NXPE1: variants seen among roughly 807,000 people sequenced by gnomAD.
The protein encoded by NXPE1 is neurexophilin and PC-esterase domain family member 1.
A neutral mutation model predicts 33.3 loss-of-function variants in NXPE1; 31 were observed. That is an observed-to-expected ratio of 0.93 (90% CI 0.70 to 1.26). The LOEUF (loss-of-function observed/expected upper bound fraction) is 1.26. NXPE1 is among the 50% of genes most tolerant of loss of function. NXPE1 has a pLI of 0.00. For missense variants in NXPE1, 661 were observed against 655.6 expected (o/e 1.01, Z -0.09); for synonymous variants, 229 against 231.4 (o/e 0.99, Z 0.09).
intron 5 of NXPE1, among the ~76,000 whole-genome samples, chr11:114,539,077 A>C (rs1947973534): frequency 6.6e-6 from 1 of 152,252 alleles, no homozygotes; most frequent in Admixed American, 6.5e-5. Context: ...AATGTGGCAC[A>C]TATACACATG....
chr11:114,529,908 C>T (rs961419831), intron 6 of NXPE1: 2 of 409,914 alleles, frequency 4.9e-6, no homozygotes, highest in African/African-American at 4.0e-5. Context: ...TGTTATCATA[C>T]ACTTATCAAG....
intron 5 of NXPE1, among the ~76,000 whole-genome samples, chr11:114,548,151 T>C (rs1948344296): frequency 6.6e-6 from 1 of 152,070 alleles, no homozygotes; most frequent in South Asian, 2.1e-4. Flanking sequence ...CAATGAATAT[T>C]TATGCACCGA....
chr11:114,552,422 C>T (rs1341713583), intron 2 of NXPE1, among the ~76,000 whole-genome samples: 2 of 152,074 alleles, frequency 1.3e-5, no homozygotes, highest in African/African-American at 4.8e-5. Context: ...ATGTCTATCG[C>T]AGCATTCCAT....
intron 5 of NXPE1, among the ~76,000 whole-genome samples, chr11:114,532,748 T>C (rs1352086255): frequency 6.6e-6 from 1 of 152,156 alleles, no homozygotes; most frequent in Non-Finnish European, 1.5e-5. Context: ...CATATAAAAG[T>C]ATATAGGTAG....
intron 7 of NXPE1, among the ~76,000 whole-genome samples, chr11:114,524,449 G>A (rs1166427801): frequency 6.6e-6 from 1 of 152,216 alleles, no homozygotes; most frequent in Non-Finnish European, 1.5e-5. Flanking sequence ...GGACAAAGTG[G>A]TAAAATGGTG....
chr11:114,534,417 A>C (rs1242685777), intron 5 of NXPE1, among the ~76,000 whole-genome samples: 1 of 152,246 alleles, frequency 6.6e-6, no homozygotes, highest in Non-Finnish European at 1.5e-5. Flanking sequence ...CACCAGCAAC[A>C]GAACAAAGCT....
chr11:114,551,050 CACACAGGTGAGGGCTT>C, intron 5 of NXPE1, 37 bp downstream of exon 5: 1 of 991,076 alleles, frequency 1.0e-6, no homozygotes, highest in East Asian at 2.6e-5. Flanking sequence ...TGAGGCACGT[CACACAGGTGAGGGCTT>C]ACTGTGTGAT....
At chr11:114,526,434 C>A (rs1947371925) in intron 7 of NXPE1, 1 of 90,642 alleles carries the variant, frequency 1.1e-5, no homozygotes. Context: ...TCCTTAGTGA[C>A]ATTTTAAATT....
In NXPE1 at chr11:114,523,023, G is replaced by A. The variant is rs749921148; in HGVS notation, c.964C>T (p.Gln322Ter). 3.1e-6 allele frequency: 5 copies of A among 1,613,632 alleles called. No individual in the cohort carries two copies. Among genetic ancestry groups the A allele is most frequent in the Middle Eastern group, 3.3e-4 (2 of 6,060 alleles). The change falls in exon 8 of 9, where the codon CAA (glutamine) becomes TAA (stop). Residue 322 changes from glutamine (Q) to a stop codon, truncating the protein, a stop_gained. Transcript: ENST00000534921. LOFTEE classifies it high-confidence loss of function. ...CAAAATGTTGTTATCCATTTTCCTT[G>A]TAAAGTATAACCACCAGGGACAGGA...
At chr11:114,532,942 A>G (rs1329349349) in intron 5 of NXPE1, among the ~76,000 whole-genome samples, 1 of 152,218 alleles carries the variant, frequency 6.6e-6, no homozygotes, top group Non-Finnish European at 1.5e-5. Flanking sequence ...CAGCTGCAAT[A>G]AAAGGATTTG....
intron 7 of NXPE1, among the ~76,000 whole-genome samples, chr11:114,525,413 C>T (rs1016839205): frequency 6.6e-6 from 1 of 152,014 alleles, no homozygotes; most frequent in Non-Finnish European, 1.5e-5. Flanking sequence ...ACTAGGCTGA[C>T]CCACTCTAAG....
chr11:114,520,105 A>G (rs755363995), downstream of NXPE1, among the ~76,000 whole-genome samples: 5 of 152,088 alleles, frequency 3.3e-5, no homozygotes, highest in Non-Finnish European at 7.4e-5. Context: ...CCTGGCCACA[A>G]TTACCTTTTT....
At chr11:114,527,945 CAT>C in intron 6 of NXPE1, 44 bp from the exon 7 acceptor site, 1 of 1,435,486 alleles carries the variant, frequency 7.0e-7, no homozygotes, top group Non-Finnish European at 9.7e-7. Context: ...GCTCTCTGCC[CAT>C]GTAACACAGG....
intron 5 of NXPE1, among the ~76,000 whole-genome samples, chr11:114,549,287 T>C (rs1440378882): frequency 6.6e-6 from 1 of 152,088 alleles, no homozygotes; most frequent in Non-Finnish European, 1.5e-5. Context: ...AAGTATAATG[T>C]ATTTTCCAAA....
At chr11:114,543,790 A>G (rs1269776577) in intron 5 of NXPE1, among the ~76,000 whole-genome samples, 2 of 152,122 alleles carry the variant, frequency 1.3e-5, no homozygotes. Flanking sequence ...GAAAAAGTAA[A>G]GCTGTTTTTA....
rs961126502 is a variant in NXPE1 at position 114,551,236 on chromosome 11, A to C, written c.-10-25T>G. The C allele has an allele frequency of 6.4e-6, 9 of 1,406,010 alleles. No individual in the cohort carries two copies. The African/African-American group carries it at 1.3e-4, about 20-fold the overall frequency. The allele number at this position is 1,406,010 out of a possible 1,614,324, so 87.1% of individuals were successfully genotyped here. A position where few individuals can be genotyped will look rare whatever the true frequency, so the allele number is the denominator to read the frequency against. On this transcript the variant is annotated intron_variant, in intron 4 of 8. Transcript: ENST00000534921. ...CCTAGGAGAGATGACACAAGAGAGG[A>C]GTCGTGAGAAGTGAATCTCTCTGTA...
chr11:114,543,718 T>C (rs373701884), intron 5 of NXPE1, among the ~76,000 whole-genome samples: 26 of 152,080 alleles, frequency 1.7e-4, no homozygotes, highest in African/African-American at 5.8e-4. Context: ...AACAATGTAG[T>C]GGAAGTCCTA....
chr11:114,522,744 T>C (rs1312611388), intron 8 of NXPE1, 135 bp downstream of exon 8: 3 of 693,114 alleles, frequency 4.3e-6, no homozygotes, highest in Non-Finnish European at 7.2e-6. Flanking sequence ...AAAATACATT[T>C]TAAATGTAAA....
exon 9 of NXPE1, chr11:114,522,353 G>A: frequency 6.2e-7 from 1 of 1,614,064 alleles, no homozygotes; most frequent in African/African-American, 1.3e-5. Flanking sequence ...AATTTCCCGA[G>A]GGATATAATC....
Sources: gnomAD v4.1 joint callset for allele counts (sites outside exome capture counted in the v4.1 genomes callset) on GRCh38, gnomAD v4.1.1 for gene constraint, MANE v1.5 for transcripts, NCBI Gene and HGNC (gene_info 2026-07-23, HGNC 2026-07-21) for gene names.